The following LRP1B variants were observed in gnomAD, a reference collection of about 807,000 sequenced individuals.
LRP1B encodes the protein low-density lipoprotein receptor-related protein 1B.
A neutral mutation model predicts 556.6 loss-of-function variants in LRP1B; 217 were observed. The observed-to-expected ratio is 0.39, with a 90% CI of 0.35 to 0.44. The LOEUF is 0.44. Among genes scored for constraint, LRP1B ranks in the 20% least tolerant of loss-of-function variants. LRP1B has a pLI of 1.00. For missense variants in LRP1B, 5,053 were observed against 5,620.8 expected (o/e 0.90, Z 3.23); for synonymous variants, 2,047 against 1,865.8 (o/e 1.10, Z -2.50).
At chr2:141,479,257 A>G (rs995618935) in intron 3 of LRP1B, among the ~76,000 whole-genome samples, 3 of 152,124 alleles carry the variant, frequency 2.0e-5, no homozygotes, top group Admixed American at 6.5e-5. Flanking sequence ...GACCTGGAAA[A>G]CTGTCAGCCA....
chr2:140,460,766 A>G (rs956098626), intron 60 of LRP1B, among the ~76,000 whole-genome samples: 1 of 152,208 alleles, frequency 6.6e-6, no homozygotes, highest in African/African-American at 2.4e-5. Context: ...GTGTAACAGC[A>G]TTATGTATTG....
At chr2:141,066,643 C>T (rs1285707038) in intron 7 of LRP1B, among the ~76,000 whole-genome samples, 1 of 151,838 alleles carries the variant, frequency 6.6e-6, no homozygotes, top group Non-Finnish European at 1.5e-5. Context: ...AAGTTCTGTC[C>T]ATGTCCTTTA....
At chr2:142,050,427 G>A (rs1323879539) in intron 1 of LRP1B, among the ~76,000 whole-genome samples, 1 of 151,922 alleles carries the variant, frequency 6.6e-6, no homozygotes, top group Non-Finnish European at 1.5e-5. Flanking sequence ...GTTTTGACAG[G>A]TGCCATTATA....
intron 7 of LRP1B, among the ~76,000 whole-genome samples, chr2:141,070,924 G>T (rs1219711056): frequency 1.3e-5 from 2 of 152,092 alleles, no homozygotes; most frequent in African/African-American, 2.4e-5. Context: ...TCTACCAGAG[G>T]TACAAGGAGA....
At chr2:141,178,722 T>C (rs1680853087) in intron 7 of LRP1B, among the ~76,000 whole-genome samples, 1 of 152,236 alleles carries the variant, frequency 6.6e-6, no homozygotes, top group Non-Finnish European at 1.5e-5. Flanking sequence ...ATTTTCCTCA[T>C]TGACTTGCAT....
intron 2 of LRP1B, among the ~76,000 whole-genome samples, chr2:141,536,660 C>T (rs1685079340): frequency 6.6e-6 from 1 of 152,016 alleles, no homozygotes; most frequent in Non-Finnish European, 1.5e-5. Flanking sequence ...TGACTAGAAG[C>T]TCCTCTAGAA....
intron 86 of LRP1B, among the ~76,000 whole-genome samples, chr2:140,260,669 C>T (rs34653587): frequency 0.31 from 46,327 of 151,294 alleles, 8,975 homozygotes; most frequent in Non-Finnish European, 0.43. Flanking sequence ...ATCCCTTTCC[C>T]TATATAGCCA....
rs539249370 is a variant in LRP1B, at chr2:140,552,916, T to C, written c.7195-10945A>G. Among the ~76,000 whole-genome samples, 3 of 152,292 alleles carry C rather than the reference T, an allele frequency of 2.0e-5. No homozygotes were observed. In the East Asian group the frequency reaches 5.8e-4, roughly 29 times the overall value. ...CAGGAATTCATAGTCGCTAGTCACA[T>C]GCCCTTTGCATCTTGGAACTTCACT... is the stretch of plus-strand genomic sequence containing the variant. On this transcript the variant is annotated intron_variant, in intron 43 of 90. Transcript: ENST00000389484.
At chr2:140,360,162 A>G (rs939462402) in intron 72 of LRP1B, among the ~76,000 whole-genome samples, 1 of 151,660 alleles carries the variant, frequency 6.6e-6, no homozygotes, top group African/African-American at 2.4e-5. Context: ...CCTTGAGAAT[A>G]CAATTTAAGA....
intron 3 of LRP1B, among the ~76,000 whole-genome samples, chr2:141,301,572 C>T (rs977530396): frequency 3.3e-5 from 5 of 152,130 alleles, no homozygotes; most frequent in African/African-American, 1.2e-4. Context: ...ATGAGGTACA[C>T]TTTCTTATTC....
intron 68 of LRP1B, 52 bp from the exon 69 acceptor site, chr2:140,373,189 T>C: frequency 6.7e-7 from 1 of 1,500,866 alleles, no homozygotes; most frequent in South Asian, 1.2e-5. Flanking sequence ...GAAACACTTC[T>C]ACACACTCAA....
At chr2:141,536,088 GA>G (rs1406014401) in intron 2 of LRP1B, among the ~76,000 whole-genome samples, 1 of 152,016 alleles carries the variant, frequency 6.6e-6, no homozygotes, top group Non-Finnish European at 1.5e-5. Flanking sequence ...AGTAAATGTT[GA>G]AAACAGAATT....
chr2:140,509,252 T>C (rs191412062), intron 52 of LRP1B, among the ~76,000 whole-genome samples: 4 of 152,146 alleles, frequency 2.6e-5, no homozygotes, highest in African/African-American at 9.7e-5. Flanking sequence ...GGATCCCCTA[T>C]GTGACCTTGG....
At chr2:140,617,376 G>A (rs557136550) in intron 41 of LRP1B, among the ~76,000 whole-genome samples, 11 of 151,930 alleles carry the variant, frequency 7.2e-5, no homozygotes, top group Admixed American at 5.2e-4. Context: ...TTAGTAAAAG[G>A]GTAATTATCA....
intron 1 of LRP1B, among the ~76,000 whole-genome samples, chr2:142,057,959 A>T (rs1439777508): frequency 6.6e-6 from 1 of 152,124 alleles, no homozygotes; most frequent in Non-Finnish European, 1.5e-5. Flanking sequence ...CATCTTGACC[A>T]CTTTATATTC....
intron 35 of LRP1B, among the ~76,000 whole-genome samples, chr2:140,748,092 AATATATATATATAT>A (rs757456196): frequency 7.2e-4 from 5 of 6,950 alleles, no homozygotes; most frequent in East Asian, 5.3e-3. Context: ...AAGTCCTATG[AATATATATATATAT>A]ATATATATAT....
chr2:141,596,732 T>C (rs765190657), intron 2 of LRP1B, among the ~76,000 whole-genome samples: 24 of 151,844 alleles, frequency 1.6e-4, no homozygotes, highest in Admixed American at 7.9e-4. Flanking sequence ...GCACAGAAAA[T>C]GAAATGTTAA....
At chr2:140,335,497 A>G in intron 78 of LRP1B, 118 bp downstream of exon 78, 2 of 672,494 alleles carry the variant, frequency 3.0e-6, no homozygotes, top group Non-Finnish European at 2.7e-6. Flanking sequence ...AAGGATATTT[A>G]AAAGCATGTG....
At chr2:141,131,019 A>T (rs1701336173) in intron 7 of LRP1B, among the ~76,000 whole-genome samples, 1 of 151,884 alleles carries the variant, frequency 6.6e-6, no homozygotes, top group Non-Finnish European at 1.5e-5. Context: ...CAGGGCATAT[A>T]CCTAACACAT....
Sources: gnomAD v4.1 joint callset for allele counts (sites outside exome capture counted in the v4.1 genomes callset) on GRCh38, gnomAD v4.1.1 for gene constraint, MANE v1.5 for transcripts, NCBI Gene and HGNC (gene_info 2026-07-23, HGNC 2026-07-21) for gene names.